BMPR1A: variants seen among roughly 807,000 people sequenced by gnomAD.
The protein encoded by BMPR1A is bone morphogenetic protein receptor type 1A, also known as bone morphogenetic protein receptor type-1A.
Under a neutral mutation model 66.0 loss-of-function variants are expected in BMPR1A, and 7 were observed. That is an observed-to-expected ratio of 0.11 (90% CI 0.06 to 0.20). BMPR1A has a LOEUF of 0.20. Among genes scored for constraint, BMPR1A ranks in the 10% least tolerant of loss-of-function variants. The pLI is 1.00. For synonymous variants in BMPR1A, 200 were observed against 229.7 expected (o/e 0.87, Z 1.17); for missense variants, 408 against 669.1 (o/e 0.61, Z 4.31).
intron 3 of BMPR1A, among the ~76,000 whole-genome samples, chr10:86,880,144 T>C (rs1482991110): frequency 1.3e-5 from 2 of 152,310 alleles, no homozygotes; most frequent in East Asian, 1.9e-4. Flanking sequence ...CAGCCTGGGA[T>C]ATCTTTGGAA....
intron 2 of BMPR1A, among the ~76,000 whole-genome samples, chr10:86,844,758 T>A (rs1752757679): frequency 6.6e-6 from 1 of 152,180 alleles, no homozygotes; most frequent in African/African-American, 2.4e-5. Flanking sequence ...AGTCAGGCTT[T>A]GTGTTGAACT....
At chr10:86,761,187 G>T (rs535359041) in intron 1 of BMPR1A, among the ~76,000 whole-genome samples, 12 of 152,218 alleles carry the variant, frequency 7.9e-5, no homozygotes, top group African/African-American at 1.7e-4. Context: ...AAGCCAGTTC[G>T]TATGGGCAGT....
intron 1 of BMPR1A, among the ~76,000 whole-genome samples, chr10:86,800,354 TC>T: frequency 6.6e-6 from 1 of 152,280 alleles, no homozygotes; most frequent in Non-Finnish European, 1.5e-5. Context: ...AGTCTCATGT[TC>T]CTATCAAAAG....
At chr10:86,884,557 C>T (rs1267639245) in intron 3 of BMPR1A, among the ~76,000 whole-genome samples, 2 of 151,570 alleles carry the variant, frequency 1.3e-5, no homozygotes, top group Admixed American at 1.3e-4. Flanking sequence ...GGATTACAGG[C>T]TCACAGCACC....
chr10:86,814,791 T>C (rs1268874943), intron 1 of BMPR1A, among the ~76,000 whole-genome samples: 1 of 152,132 alleles, frequency 6.6e-6, no homozygotes, highest in Non-Finnish European at 1.5e-5. Context: ...TTTTTTTGTT[T>C]GTTTGTTTTT....
At chr10:86,836,649 T>C (rs1846910478) in intron 1 of BMPR1A, among the ~76,000 whole-genome samples, 1 of 152,060 alleles carries the variant, frequency 6.6e-6, no homozygotes, top group African/African-American at 2.4e-5. Context: ...AATATAAAAA[T>C]TAACCTGGCA....
At chr10:86,884,583 G>A (rs1321695306) in intron 3 of BMPR1A, among the ~76,000 whole-genome samples, 3 of 150,828 alleles carry the variant, frequency 2.0e-5, no homozygotes, top group Admixed American at 6.6e-5. Context: ...CAGCTAATTT[G>A]TTGTATTTTT....
intron 3 of BMPR1A, among the ~76,000 whole-genome samples, chr10:86,878,719 A>G (rs754188526): frequency 3.3e-5 from 5 of 152,194 alleles, no homozygotes; most frequent in Non-Finnish European, 7.3e-5. Context: ...CAGGAAAGCA[A>G]AAGTGTCACA....
intron 2 of BMPR1A, among the ~76,000 whole-genome samples, chr10:86,872,485 T>G (rs75031266): frequency 0.01 from 1,588 of 152,284 alleles, 26 homozygotes; most frequent in African/African-American, 0.036. Context: ...TACTTGCCTG[T>G]TTCTTCATCT....
chr10:86,774,109 G>A (rs751589911), intron 1 of BMPR1A, among the ~76,000 whole-genome samples: 82 of 152,056 alleles, frequency 5.4e-4, no homozygotes, highest in African/African-American at 1.3e-3. Context: ...CTCGGCCTCC[G>A]AAAGTGCTGG....
At chr10:86,847,445 T>A (rs1376483617) in intron 2 of BMPR1A, among the ~76,000 whole-genome samples, 1 of 152,184 alleles carries the variant, frequency 6.6e-6, no homozygotes, top group Non-Finnish European at 1.5e-5. Flanking sequence ...TGTTTCTCCC[T>A]TCCCTGCTCT....
At chr10:86,838,178 G>A (rs769312718) in intron 1 of BMPR1A, among the ~76,000 whole-genome samples, 7 of 152,100 alleles carry the variant, frequency 4.6e-5, no homozygotes, top group Non-Finnish European at 1.0e-4. Context: ...GCAGTGATCC[G>A]AGATGGCACT....
intron 1 of BMPR1A, among the ~76,000 whole-genome samples, chr10:86,791,215 CTTT>C (rs33919307): frequency 5.6e-5 from 8 of 141,802 alleles, no homozygotes; most frequent in South Asian, 2.3e-4. Flanking sequence ...TCAGTGCTTG[CTTT>C]TTTTTTTTTT....
In BMPR1A at chr10:86,806,525, A is replaced by AC. The variant is rs1226566485; in HGVS notation, c.-267-32340_-267-32339insC. On this transcript the variant is annotated intron_variant, in intron 1 of 12. Transcript: ENST00000372037. ...TTAGTTGTCATCACTATGGAGTGAT[A>AC]GACTCCATTTCGTTCAATGAGTTAT... 2.0e-5 allele frequency among the ~76,000 whole-genome samples: 3 copies of AC among 152,296 alleles called. No individual in the cohort carries two copies. In the East Asian group the frequency reaches 5.8e-4, roughly 29 times the overall value.
At chr10:86,766,617 CTT>C (rs71019427) in intron 1 of BMPR1A, among the ~76,000 whole-genome samples, 7 of 131,272 alleles carry the variant, frequency 5.3e-5, no homozygotes, top group East Asian at 2.2e-4. Context: ...TCATATCAGT[CTT>C]TTTTTTTTTT....
At chr10:86,825,667 T>C (rs932866329) in intron 1 of BMPR1A, among the ~76,000 whole-genome samples, 3 of 152,074 alleles carry the variant, frequency 2.0e-5, no homozygotes, top group African/African-American at 7.2e-5. Context: ...TGTGGAAATA[T>C]GGTCTTGCTA....
At chr10:86,864,794 G>A (rs923858476) in intron 2 of BMPR1A, among the ~76,000 whole-genome samples, 9 of 151,810 alleles carry the variant, frequency 5.9e-5, no homozygotes, top group Non-Finnish European at 8.8e-5. Context: ...ATCCAAAACC[G>A]TATCCAGGCC....
intron 1 of BMPR1A, among the ~76,000 whole-genome samples, chr10:86,805,377 T>TACGCACACACACAC (rs1554880397): frequency 3.5e-5 from 5 of 142,984 alleles, no homozygotes; most frequent in African/African-American, 1.3e-4. Context: ...CTCCTACCTG[T>TACGCACACACACAC]ACACACACAC....
At chr10:86,798,859 C>T (rs541062906) in intron 1 of BMPR1A, among the ~76,000 whole-genome samples, 17 of 152,220 alleles carry the variant, frequency 1.1e-4, no homozygotes, top group African/African-American at 3.9e-4. Context: ...GTGGGGAATC[C>T]GACTTGTTTT....
Sources: gnomAD v4.1 joint callset for allele counts (sites outside exome capture counted in the v4.1 genomes callset) on GRCh38, gnomAD v4.1.1 for gene constraint, MANE v1.5 for transcripts, NCBI Gene and HGNC (gene_info 2026-07-23, HGNC 2026-07-21) for gene names.